The following CHRM3 variants were observed in gnomAD, a reference collection of about 807,000 sequenced individuals.
CHRM3 encodes the protein muscarinic acetylcholine receptor M3.
In CHRM3, 11 loss-of-function variants were observed where a neutral mutation model predicts 41.8. The ratio of observed to expected loss-of-function variants is 0.26; its 90% CI spans 0.17 to 0.44. The LOEUF (loss-of-function observed/expected upper bound fraction) is 0.44, where lower values mean the gene tolerates loss of function less well. Among genes scored for constraint, CHRM3 ranks in the 20% least tolerant of loss-of-function variants. The pLI is 1.00. For synonymous variants in CHRM3, 297 were observed against 301.4 expected, an observed-to-expected ratio of 0.99 and a Z score of 0.15; for missense variants, 571 against 745.4, an observed-to-expected ratio of 0.77 and a Z score of 2.72.
chr1:239,806,082 A>C (rs1216513637), intron 5 of CHRM3, among the ~76,000 whole-genome samples: 1 of 152,154 alleles, frequency 6.6e-6, no homozygotes. Flanking sequence ...GTCCACTTCA[A>C]ACCCTGACTC....
intron 3 of CHRM3, 46 bp from the exon 4 acceptor site, chr1:239,632,178 T>C (rs1429022133): frequency 6.6e-6 from 1 of 152,276 alleles, no homozygotes; most frequent in Non-Finnish European, 1.5e-5. Context: ...GGGTCTTGGT[T>C]ATTTGTTAAT....
chr1:239,857,282 C>T (rs946558312), intron 6 of CHRM3, among the ~76,000 whole-genome samples: 1 of 152,156 alleles, frequency 6.6e-6, no homozygotes, highest in African/African-American at 2.4e-5. Flanking sequence ...ACACATGCCC[C>T]ATAGGGAAAG....
chr1:239,665,105 G>A (rs1417074889), intron 4 of CHRM3, among the ~76,000 whole-genome samples: 1 of 138,812 alleles, frequency 7.2e-6, no homozygotes, highest in African/African-American at 2.7e-5. Context: ...TCTCTCTCTT[G>A]TCCTTTTAGC....
intron 5 of CHRM3, among the ~76,000 whole-genome samples, chr1:239,729,880 T>C (rs1404119435): frequency 6.6e-6 from 1 of 151,978 alleles, no homozygotes. Context: ...ACTTTCGAGT[T>C]TGGGTGTATT....
chr1:239,719,862 G>A (rs995119215), intron 5 of CHRM3, among the ~76,000 whole-genome samples: 1 of 151,986 alleles, frequency 6.6e-6, no homozygotes, highest in Non-Finnish European at 1.5e-5. Context: ...CTGTGGGAAA[G>A]GGGTGATATT....
At chr1:239,615,751 TA>T (rs1667560679) in intron 3 of CHRM3, among the ~76,000 whole-genome samples, 1 of 152,182 alleles carries the variant, frequency 6.6e-6, no homozygotes. Context: ...ATCCTGGATG[TA>T]ATTGATGTCA....
intron 3 of CHRM3, among the ~76,000 whole-genome samples, chr1:239,595,876 T>C (rs1664719019): frequency 6.6e-6 from 1 of 152,180 alleles, no homozygotes; most frequent in South Asian, 2.1e-4. Flanking sequence ...AGTCCCATAA[T>C]TCTGAATACT....
chr1:239,833,032 C>T (rs1673022633), intron 6 of CHRM3, among the ~76,000 whole-genome samples: 1 of 152,048 alleles, frequency 6.6e-6, no homozygotes, highest in Non-Finnish European at 1.5e-5. Context: ...CTGGTTCAAA[C>T]ACCTCTGACA....
intron 2 of CHRM3, among the ~76,000 whole-genome samples, chr1:239,533,742 AAAAAAAAAC>A (rs1406383320): frequency 6.7e-6 from 1 of 148,880 alleles, no homozygotes; most frequent in Non-Finnish European, 1.5e-5. Context: ...AAAAAAAAAA[AAAAAAAAAC>A]AAAAAAACCC....
At chr1:239,446,903 T>C (rs557600493) in intron 1 of CHRM3, among the ~76,000 whole-genome samples, 53 of 152,272 alleles carry the variant, frequency 3.5e-4, no homozygotes, top group African/African-American at 1.2e-3. Flanking sequence ...TGGAAATTAC[T>C]CACAAAATAT....
intron 5 of CHRM3, among the ~76,000 whole-genome samples, chr1:239,777,582 G>T (rs1373990842): frequency 1.3e-5 from 2 of 152,122 alleles, no homozygotes; most frequent in African/African-American, 4.8e-5. Flanking sequence ...CAGGAACAAA[G>T]TTTCTATTTA....
chr1:239,580,712 C>T (rs1270987906), intron 3 of CHRM3, among the ~76,000 whole-genome samples: 451 of 36,116 alleles, frequency 0.012, 3 homozygotes, highest in Admixed American at 0.018. Flanking sequence ...TATACACACA[C>T]ACACACACAC....
At chr1:239,455,266 G>C (rs773373817) in intron 1 of CHRM3, among the ~76,000 whole-genome samples, 3 of 151,854 alleles carry the variant, frequency 2.0e-5, no homozygotes, top group Non-Finnish European at 4.4e-5. Context: ...GGTCAGGCTG[G>C]TCTTGAACTC....
At chr1:239,393,714 G>C (rs1449972213) in intron 1 of CHRM3, among the ~76,000 whole-genome samples, 1 of 152,174 alleles carries the variant, frequency 6.6e-6, no homozygotes, top group Non-Finnish European at 1.5e-5. Context: ...AAATCGGTCT[G>C]ACTAAACAAC....
rs115150392 is a variant in CHRM3 at position 239,533,560 on chromosome 1, G to A, written c.-421-12081G>A. Among the ~76,000 whole-genome samples, 1,080 of 150,172 alleles carry A rather than the reference G, an allele frequency of 7.2e-3. 17 individuals carry two copies. Among genetic ancestry groups the A allele is most frequent in the African/African-American group, 0.023 (941 of 40,778 alleles). On this transcript the variant is annotated intron_variant, in intron 2 of 6. Transcript: ENST00000676153. Reference sequence around the variant, plus strand: ...AGACCAGCTTGGAGAGTGAAACCCCGTCTCTACTAAAAAAAAAAAAATTAC... The same window carrying A: ...AGACCAGCTTGGAGAGTGAAACCCCATCTCTACTAAAAAAAAAAAAATTAC...
At chr1:239,655,411 C>G (rs1340254525) in intron 4 of CHRM3, among the ~76,000 whole-genome samples, 5 of 152,188 alleles carry the variant, frequency 3.3e-5, no homozygotes, top group Non-Finnish European at 7.3e-5. Context: ...TCTTCTTTGA[C>G]CTCCTGGACT....
chr1:239,676,361 G>GTAT (rs3063601), intron 4 of CHRM3, among the ~76,000 whole-genome samples: 1 of 151,768 alleles, frequency 6.6e-6, no homozygotes, highest in African/African-American at 2.4e-5. Context: ...GTGTATTACA[G>GTAT]AGAAGTCTAT....
At chr1:239,592,436 G>A (rs917510104) in intron 3 of CHRM3, among the ~76,000 whole-genome samples, 19 of 152,006 alleles carry the variant, frequency 1.2e-4, no homozygotes, top group Admixed American at 2.6e-4. Context: ...TAATAGCCAT[G>A]TCATTCTCCC....
At chr1:239,774,498 C>G (rs1180146763) in intron 5 of CHRM3, among the ~76,000 whole-genome samples, 2 of 152,134 alleles carry the variant, frequency 1.3e-5, no homozygotes, top group East Asian at 3.9e-4. Context: ...CAATTTAAAT[C>G]AGTGCAGAAT....
Sources: gnomAD v4.1 joint callset for allele counts (sites outside exome capture counted in the v4.1 genomes callset) on GRCh38, gnomAD v4.1.1 for gene constraint, MANE v1.5 for transcripts, NCBI Gene and HGNC (gene_info 2026-07-23, HGNC 2026-07-21) for gene names.